The following ZNF185 variants were observed in gnomAD, a reference collection of about 807,000 sequenced individuals.
The protein encoded by ZNF185 is zinc finger protein 185.
ZNF185 carries 56 observed loss-of-function variants against 58.6 expected under a neutral mutation model. The ratio of observed to expected loss-of-function variants is 0.95; its 90% CI spans 0.77 to 1.19. The LOEUF (loss-of-function observed/expected upper bound fraction) is 1.19. Among genes scored for constraint, ZNF185 ranks in the 50% most tolerant of loss-of-function variants. The pLI, the probability that ZNF185 is intolerant of heterozygous loss-of-function variation, is 0.00. For synonymous variants in ZNF185, 230 were observed against 215.9 expected, an observed-to-expected ratio of 1.07 and a Z score of -0.57; for missense variants, 627 against 573.5, an observed-to-expected ratio of 1.09 and a Z score of -0.95.
rs964460075 is a variant in ZNF185, at chrX:152,917,180, G to A, written c.263+11G>A. 9.1e-6 allele frequency: 11 copies of A among 1,209,798 alleles called. No homozygotes were observed. In the African/African-American group the frequency reaches 1.0e-4, roughly 12 times the overall value. ...TGGCTACATCATCCGGTAAGTGACC[G>A]CAGGACTCTGCCGGCCTTCCTGTGC... On this transcript the variant is annotated intron_variant, in intron 4 of 22. Transcript: ENST00000449285.
intron 15 of ZNF185, among the ~76,000 whole-genome samples, chrX:152,942,954 A>G (rs1170398273): frequency 3.6e-5 from 4 of 111,476 alleles, no homozygotes; most frequent in African/African-American, 1.3e-4. Flanking sequence ...AATATTATCT[A>G]TATCTATATA....
At chrX:152,941,622 G>A in intron 15 of ZNF185, 10 of 1,137,985 alleles carry the variant, frequency 8.8e-6, no homozygotes, top group Non-Finnish European at 1.2e-5. Context: ...CGCCCGTAGT[G>A]AGTACGCCTG....
chrX:152,920,632 T>C, intron 8 of ZNF185, 75 bp from the exon 10 acceptor site: 1 of 1,176,117 alleles, frequency 8.5e-7, no homozygotes, highest in Non-Finnish European at 1.2e-6. Flanking sequence ...CCCAGGACCC[T>C]CTGAGGTAGA....
chrX:152,920,698 C>A lies in ZNF185; in HGVS notation c.615-9C>A. 1 of 1,212,172 alleles carries A rather than the reference C, an allele frequency of 8.2e-7. No individual in the cohort carries two copies. Among genetic ancestry groups the A allele is most frequent in the Non-Finnish European group, 1.1e-6 (1 of 895,500 alleles). ...TGCCCAAAGCATTGCCTTTCTGCTT[C>A]CTTTCCAGCAGTCCTACCCAGGAGA... On this transcript the variant is annotated splice_polypyrimidine_tract_variant and intron_variant, in intron 8 of 22. Transcript: ENST00000449285.
chrX:152,907,124 C>T, the ZNF185 span, among the ~76,000 whole-genome samples: 1 of 111,589 alleles, frequency 9.0e-6, no homozygotes, highest in Non-Finnish European at 1.9e-5. Flanking sequence ...AGGCTGAGCA[C>T]GTCCTGTGGT....
the ZNF185 span, among the ~76,000 whole-genome samples, chrX:152,903,890 T>C: frequency 9.0e-6 from 1 of 111,422 alleles, no homozygotes; most frequent in African/African-American, 3.3e-5. Flanking sequence ...CTGGCCTGCC[T>C]TAAAAGTCTG....
At chrX:152,933,431 C>A (rs1421279846) in intron 14 of ZNF185, among the ~76,000 whole-genome samples, 2 of 112,303 alleles carry the variant, frequency 1.8e-5, no homozygotes. Context: ...CCCATCCCTA[C>A]CCCAGGCAGC....
At chrX:152,941,473 A>T (rs1264668332) in intron 15 of ZNF185, among the ~76,000 whole-genome samples, 1 of 112,897 alleles carries the variant, frequency 8.9e-6, no homozygotes, top group Non-Finnish European at 1.9e-5. Flanking sequence ...GACGGAAAAG[A>T]AAAAGGGATG....
intron 15 of ZNF185, among the ~76,000 whole-genome samples, chrX:152,944,976 A>C (rs1204033579): frequency 8.9e-6 from 1 of 112,899 alleles, no homozygotes; most frequent in Non-Finnish European, 1.9e-5. Context: ...CCTGGGCGAC[A>C]GAGTGAGACC....
the ZNF185 span, among the ~76,000 whole-genome samples, chrX:152,907,216 G>A: frequency 8.9e-6 from 1 of 111,941 alleles, no homozygotes; most frequent in South Asian, 3.8e-4. Flanking sequence ...GCCTGCTGCC[G>A]CCCCCGCTCC....
the ZNF185 span, among the ~76,000 whole-genome samples, chrX:152,901,321 T>A: frequency 9.3e-6 from 1 of 107,360 alleles, no homozygotes; most frequent in East Asian, 3.0e-4. Flanking sequence ...GGCATGATCA[T>A]AGCACACCGC....
rs148944169 is a variant in ZNF185, at chrX:152,929,350, C to T, written c.917+689C>T. Reference sequence around the variant, plus strand: ...GCTGGGGTGGAGGCTAGGAGAGATCCGAGCAGGGAGACTGGGCCCCTACCT... The same window carrying T: ...GCTGGGGTGGAGGCTAGGAGAGATCTGAGCAGGGAGACTGGGCCCCTACCT... On this transcript the variant is annotated intron_variant, in intron 12 of 22. Coordinates refer to ENST00000449285, the Ensembl canonical transcript of ZNF185. Among the ~76,000 whole-genome samples the T allele has an allele frequency of 3.3e-3, 366 of 111,314 alleles. 4 individuals carry two copies. The highest frequency in any genetic ancestry group is 0.011 in the African/African-American group (340 of 30,640).
At chrX:152,926,695 A>C (rs1263164108) in intron 11 of ZNF185, among the ~76,000 whole-genome samples, 1 of 111,905 alleles carries the variant, frequency 8.9e-6, no homozygotes, top group Non-Finnish European at 1.9e-5. Flanking sequence ...TCTGTGGTTG[A>C]GAGTCTGGGG....
chrX:152,899,371 A>G, the ZNF185 span, among the ~76,000 whole-genome samples: 1 of 113,006 alleles, frequency 8.8e-6, no homozygotes, highest in Admixed American at 9.2e-5. Context: ...GGCAGCTCAG[A>G]GGCCAGCAAG....
intron 20 of ZNF185, among the ~76,000 whole-genome samples, chrX:152,968,902 A>G (rs2125995095): frequency 8.9e-6 from 1 of 111,850 alleles, no homozygotes; most frequent in African/African-American, 3.2e-5. Flanking sequence ...GGCTCTACAG[A>G]CAGAGCATGA....
At chrX:152,947,265 A>G (rs782765534) in intron 16 of ZNF185, among the ~76,000 whole-genome samples, 2 of 111,087 alleles carry the variant, frequency 1.8e-5, no homozygotes, top group Non-Finnish European at 3.8e-5. Context: ...TGCCTGTAGT[A>G]CCAGCTACTT....
chrX:152,928,961 G>A (rs1941409586), intron 12 of ZNF185, among the ~76,000 whole-genome samples: 1 of 112,740 alleles, frequency 8.9e-6, no homozygotes, highest in Non-Finnish European at 1.9e-5. Flanking sequence ...ACGCCGACAT[G>A]AGCATGAATG....
intron 14 of ZNF185, among the ~76,000 whole-genome samples, chrX:152,935,419 G>A (rs1184197668): frequency 2.8e-5 from 3 of 108,954 alleles, no homozygotes; most frequent in Non-Finnish European, 5.7e-5. Context: ...GTATTTTTTA[G>A]TAGAGACGGG....
intron 12 of ZNF185, among the ~76,000 whole-genome samples, chrX:152,930,302 T>C (rs782732257): frequency 1.8e-5 from 2 of 112,178 alleles, no homozygotes; most frequent in Non-Finnish European, 3.8e-5. Context: ...GAAGTCAAAA[T>C]TTCCAGGAGG....
Sources: allele counts gnomAD v4.1 joint callset (sites outside exome capture counted in the v4.1 genomes callset), GRCh38; gene constraint gnomAD v4.1.1; transcripts MANE v1.5; gene names NCBI Gene and HGNC (gene_info 2026-07-23, HGNC 2026-07-21).